The following ZNF487 variants were observed in gnomAD, a reference collection of about 807,000 sequenced individuals.
The protein encoded by ZNF487 is KRAB domain only 1.
ZNF487 carries 4 observed loss-of-function variants against 3.0 expected under a neutral mutation model. The ratio of observed to expected loss-of-function variants is 1.35; its 90% CI spans 0.66 to 3.08. The LOEUF is 3.08. Ranked by LOEUF, ZNF487 falls within the 30% of genes most tolerant of loss-of-function variation. The pLI is 0.01. For missense variants in ZNF487, 146 were observed against 98.7 expected (o/e 1.48, Z -2.03); for synonymous variants, 55 against 34.6 (o/e 1.59, Z -2.06).
At chr10:43,475,165 A>T (rs372625630) in intron 1 of ZNF487, among the ~76,000 whole-genome samples, 2 of 151,890 alleles carry the variant, frequency 1.3e-5, no homozygotes, top group African/African-American at 4.8e-5. Flanking sequence ...TTCTCCGGGG[A>T]CCCTCCCTTA....
At chr10:43,516,995 C>T in the ZNF487 span, among the ~76,000 whole-genome samples, 1 of 152,234 alleles carries the variant, frequency 6.6e-6, no homozygotes, top group African/African-American at 2.4e-5. Flanking sequence ...ACCGTAGCAG[C>T]CTTGTCATCA....
At chr10:43,509,844 A>G in the ZNF487 span, among the ~76,000 whole-genome samples, 5 of 152,128 alleles carry the variant, frequency 3.3e-5, no homozygotes, top group Admixed American at 2.0e-4. Context: ...GTATCCTTCA[A>G]TACAATTAAG....
At position 43,475,847 on chromosome 10, in the gene ZNF487, G is replaced by C; in HGVS notation, c.34G>C (p.Gly12Arg). The stretch of plus-strand genomic sequence containing the variant: ...GAACTACAGCCTCCTCCTCTCAGTG[G>C]GTAAGGATTATGTAATTTGCAGCTT... ...LENYSLLLSV[G>R]YCITKPEVVC... The change falls in exon 2 of 4, where the codon GGA (glycine) becomes CGA (arginine). Residue 12 changes from glycine (G) to arginine (R), a missense_variant and splice_region_variant. By Grantham distance (125) the Gly-to-Arg change is moderately radical. Coordinates refer to ENST00000437590, the MANE Select transcript of ZNF487 (RefSeq NM_001355444.3). 2 of 771,290 alleles carry C rather than the reference G, an allele frequency of 2.6e-6. No individual in the cohort carries two copies. The highest frequency in any genetic ancestry group is 1.4e-5 in the South Asian group (1 of 72,986). The allele number at this position is 771,290 out of a possible 1,614,324, so 47.8% of individuals were successfully genotyped here. A position where few individuals can be genotyped will look rare whatever the true frequency, so the allele number is the denominator to read the frequency against.
chr10:43,468,988 C>CAAA (rs59076073), intron 1 of ZNF487, among the ~76,000 whole-genome samples: 62 of 60,926 alleles, frequency 1.0e-3, no homozygotes, highest in South Asian at 3.0e-3. Flanking sequence ...GACTCTATCT[C>CAAA]AAAAAAAAAA....
At chr10:43,493,371 CTCTG>C in the ZNF487 span, among the ~76,000 whole-genome samples, 3 of 151,890 alleles carry the variant, frequency 2.0e-5, no homozygotes, top group Non-Finnish European at 2.9e-5. Flanking sequence ...CTGCTTTATT[CTCTG>C]TCTTTGTATT....
chr10:43,521,377 C>G, the ZNF487 span, among the ~76,000 whole-genome samples: 1 of 152,120 alleles, frequency 6.6e-6, no homozygotes, highest in East Asian at 1.9e-4. Context: ...CACATCACAG[C>G]CTTCTTGCAC....
At chr10:43,495,589 T>C in the ZNF487 span, among the ~76,000 whole-genome samples, 2 of 152,182 alleles carry the variant, frequency 1.3e-5, no homozygotes, top group African/African-American at 4.8e-5. Context: ...GTTAATTTCT[T>C]AAGGTAGCAA....
At chr10:43,452,506 C>G (rs1840045015) in intron 1 of ZNF487, 1 of 141,114 alleles carries the variant, frequency 7.1e-6, no homozygotes, top group South Asian at 2.4e-4. Flanking sequence ...GGTGTGCCAC[C>G]ACGCCTGGCT....
intron 1 of ZNF487, among the ~76,000 whole-genome samples, chr10:43,444,607 C>T (rs1486561310): frequency 1.3e-5 from 2 of 152,156 alleles, no homozygotes; most frequent in African/African-American, 4.8e-5. Flanking sequence ...TTAGGTTTCA[C>T]TCTGTCACCC....
chr10:43,446,652 C>T lies in ZNF487; in HGVS notation c.-94+9390C>T, dbSNP rs571395111. On this transcript the variant is annotated intron_variant, in intron 1 of 3. Coordinates refer to ENST00000437590, the MANE Select transcript of ZNF487 (RefSeq NM_001355444.3). Reference sequence around the variant, plus strand: ...TAGACGATGGGCGCCCGGGCAGAGACGCTCCTCTCTTCCTAGACGGGATGA... The same window carrying T: ...TAGACGATGGGCGCCCGGGCAGAGATGCTCCTCTCTTCCTAGACGGGATGA... 2.6e-3 allele frequency among the ~76,000 whole-genome samples: 390 copies of T among 151,228 alleles called. 1 individual carries two copies. Among genetic ancestry groups the T allele is most frequent in the Middle Eastern group, 3.5e-3 (1 of 288 alleles).
chr10:43,481,442 TG>T lies in ZNF487; in HGVS notation c.145del (p.Asp49MetfsTer3), dbSNP rs1455785227. ...SQSHLDCCID[D>X]DLMEKRQENQ... is the part of the protein sequence containing the mutation. ...TATTATTTCTAGACTGCTGCATAGATGATGACCTGATGGAGAAGAGACAGGA... is the reference window on the plus strand; with the variant it reads ...TATTATTTCTAGACTGCTGCATAGATATGACCTGATGGAGAAGAGACAGGA... On this transcript the variant is annotated frameshift_variant, in exon 4 of 4. Transcript: ENST00000437590. LOFTEE classifies it low-confidence loss of function (END_TRUNC). 5.6e-6 allele frequency: 4 copies of T among 714,548 alleles called. No individual in the cohort carries two copies. Among genetic ancestry groups the T allele is most frequent in the Non-Finnish European group, 1.0e-5 (4 of 384,354 alleles). The allele number at this position is 714,548 out of a possible 1,614,324, so 44.3% of individuals were successfully genotyped here.
chr10:43,479,981 TTCC>T (rs1323655833), intron 3 of ZNF487, among the ~76,000 whole-genome samples: 13 of 33,352 alleles, frequency 3.9e-4, no homozygotes, highest in African/African-American at 5.5e-4. Context: ...TTTTCTTTCT[TTCC>T]TTCTTTCTTT....
chr10:43,498,075 T>TTTTATATATATATATATATATATA, the ZNF487 span, among the ~76,000 whole-genome samples: 1 of 35,024 alleles, frequency 2.9e-5, no homozygotes, highest in African/African-American at 1.6e-4. Context: ...ATTTGGTATT[T>TTTTATATATATATATATATATATA]TATATATATA....
At chr10:43,439,846 G>A (rs1389310610) in intron 1 of ZNF487, among the ~76,000 whole-genome samples, 2 of 152,292 alleles carry the variant, frequency 1.3e-5, no homozygotes, top group South Asian at 2.1e-4. Flanking sequence ...ATCTGAAGTA[G>A]TCAAATTCAT....
intron 1 of ZNF487, among the ~76,000 whole-genome samples, chr10:43,460,821 T>C (rs1001881110): frequency 2.0e-5 from 3 of 151,898 alleles, no homozygotes; most frequent in African/African-American, 4.8e-5. Flanking sequence ...GCCTCCCAAG[T>C]ATCTGGGATT....
the ZNF487 span, among the ~76,000 whole-genome samples, chr10:43,488,631 A>T: frequency 2.6e-5 from 4 of 152,322 alleles, no homozygotes; most frequent in South Asian, 8.3e-4. Context: ...ATATAGGGAG[A>T]CTACATCGAG....
At chr10:43,478,633 C>T (rs909654621) in intron 3 of ZNF487, among the ~76,000 whole-genome samples, 2 of 152,008 alleles carry the variant, frequency 1.3e-5, no homozygotes, top group Non-Finnish European at 2.9e-5. Flanking sequence ...GTGGGAGGAT[C>T]GCTTGAGCCC....
the ZNF487 span, among the ~76,000 whole-genome samples, chr10:43,491,634 G>T: frequency 1.3e-5 from 2 of 151,610 alleles, no homozygotes; most frequent in Admixed American, 6.6e-5. Flanking sequence ...CTCTTTCTTT[G>T]CACTTCCCAG....
In ZNF487 at chr10:43,481,815, A is replaced by G. The variant is rs570304148; in HGVS notation, c.517A>G (p.Ile173Val). Reference protein sequence around the residue: ...QNEDLFRHQYIQTLKQCFEYN... With the variant: ...QNEDLFRHQYVQTLKQCFEYN... ...TGAGGACTTATTTAGGCATCAGTAT[A>G]TTCAAACTCTTAAGCAGTGTTTTGA... Residue 173 changes from isoleucine (I) to valine (V), a missense_variant, in exon 4 of 4, where the codon ATT becomes GTT. Transcript: ENST00000437590. 26 of 705,558 alleles carry G rather than the reference A, an allele frequency of 3.7e-5. No individual in the cohort carries two copies. The highest frequency in any genetic ancestry group is 6.0e-5 in the Non-Finnish European group (23 of 385,018). The allele number at this position is 705,558 out of a possible 1,614,324, so 43.7% of individuals were successfully genotyped here.
Sources: gnomAD v4.1 joint callset for allele counts (sites outside exome capture counted in the v4.1 genomes callset) on GRCh38, gnomAD v4.1.1 for gene constraint, MANE v1.5 for transcripts, NCBI Gene and HGNC (gene_info 2026-07-23, HGNC 2026-07-21) for gene names.